PLXNA4: variants seen among roughly 807,000 people sequenced by gnomAD.
PLXNA4 encodes the protein plexin A4.
A neutral mutation model predicts 191.8 loss-of-function variants in PLXNA4; 44 were observed. The ratio of observed to expected loss-of-function variants is 0.23; its 90% CI spans 0.18 to 0.29. The LOEUF is 0.29. PLXNA4 is among the 10% of genes least tolerant of loss of function. The pLI is 1.00. For synonymous variants in PLXNA4, 1,082 were observed against 1,009.5 expected (o/e 1.07, Z -1.36); for missense variants, 1,800 against 2,488.8 (o/e 0.72, Z 5.89).
intron 3 of PLXNA4, among the ~76,000 whole-genome samples, chr7:132,484,560 C>A (rs1797466753): frequency 6.6e-6 from 1 of 152,202 alleles, no homozygotes; most frequent in Non-Finnish European, 1.5e-5. Flanking sequence ...GCATTTCTTT[C>A]CCTTTGTGCT....
intron 25 of PLXNA4, among the ~76,000 whole-genome samples, chr7:132,156,253 G>A (rs1795795122): frequency 6.6e-6 from 1 of 151,102 alleles, no homozygotes; most frequent in Non-Finnish European, 1.5e-5. Context: ...TTCCCATCTT[G>A]GCTCCTTAAT....
At chr7:132,474,214 T>TCACA (rs56832356) in intron 3 of PLXNA4, among the ~76,000 whole-genome samples, 5,358 of 140,178 alleles carry the variant, frequency 0.038, 219 homozygotes, top group Admixed American at 0.13. Context: ...TCTCTCTGTC[T>TCACA]CACACACACA....
chr7:132,547,683 C>A (rs962806131), intron 1 of PLXNA4, among the ~76,000 whole-genome samples: 1 of 152,054 alleles, frequency 6.6e-6, no homozygotes, highest in Non-Finnish European at 1.5e-5. Context: ...CCAGGCAAAC[C>A]AGAACCACAG....
intron 13 of PLXNA4, 53 bp from the exon 14 acceptor site, chr7:132,194,232 C>T (rs1388854136): frequency 1.0e-5 from 16 of 1,572,896 alleles, no homozygotes; most frequent in Non-Finnish European, 1.2e-5. Context: ...CAGCCAAGAC[C>T]CTGCACCCCA....
intron 2 of PLXNA4, among the ~76,000 whole-genome samples, chr7:132,603,792 T>C (rs10276212): frequency 0.82 from 124,276 of 152,112 alleles, 53,327 homozygotes; most frequent in Non-Finnish European, 0.97. Flanking sequence ...TCCTTGAGTA[T>C]GGTTTTGAAT....
At chr7:132,273,342 G>GCA (rs139465620) in intron 4 of PLXNA4, among the ~76,000 whole-genome samples, 11 of 143,144 alleles carry the variant, frequency 7.7e-5, no homozygotes, top group Non-Finnish European at 1.3e-4. Flanking sequence ...ACACACACAC[G>GCA]CACACACACA....
intron 2 of PLXNA4, among the ~76,000 whole-genome samples, chr7:132,627,295 G>C (rs1315937965): frequency 6.6e-6 from 1 of 152,128 alleles, no homozygotes; most frequent in Non-Finnish European, 1.5e-5. Context: ...TATTATGAAA[G>C]ATGAAGGTTT....
chr7:132,595,018 T>TAGATAGATAGACAGAC (rs1351375386), intron 2 of PLXNA4, among the ~76,000 whole-genome samples: 3 of 31,694 alleles, frequency 9.5e-5, no homozygotes, highest in Non-Finnish European at 3.4e-4. Context: ...GATAGATAGA[T>TAGATAGATAGACAGAC]AGACAGACAG....
intron 3 of PLXNA4, among the ~76,000 whole-genome samples, chr7:132,356,698 A>G (rs1372154005): frequency 6.6e-6 from 1 of 152,218 alleles, no homozygotes; most frequent in Non-Finnish European, 1.5e-5. Flanking sequence ...AGCCCAGGCA[A>G]TATTGGTTCC....
chr7:132,201,982 A>G (rs1329901401), intron 12 of PLXNA4, among the ~76,000 whole-genome samples: 3 of 152,202 alleles, frequency 2.0e-5, no homozygotes, highest in African/African-American at 7.2e-5. Flanking sequence ...CCCACCGCAC[A>G]TGTGAGGAAG....
intron 30 of PLXNA4, among the ~76,000 whole-genome samples, chr7:132,137,732 T>C (rs943576620): frequency 1.5e-4 from 22 of 146,450 alleles, no homozygotes; most frequent in Admixed American, 9.5e-4. Context: ...GGAGGACAGG[T>C]AGGAGGATGG....
chr7:132,373,804 T>G (rs1804544866), intron 3 of PLXNA4, among the ~76,000 whole-genome samples: 2 of 152,168 alleles, frequency 1.3e-5, no homozygotes, highest in South Asian at 4.1e-4. Flanking sequence ...AATGGGAAAC[T>G]TTCATGGGAG....
At position 132,226,234 on chromosome 7, in the gene PLXNA4, G is replaced by A; in HGVS notation, c.1909C>T (p.Leu637Phe). ...NGDHHVVQLQLKSKETGMTFA... is the reference protein window; with the variant it reads ...NGDHHVVQLQFKSKETGMTFA... ...GTCATGCCGGTCTCCTTTGATTTGAGCTGAAGCTGTACGACATGGTGGTCC... is the reference window on the plus strand; with the variant it reads ...GTCATGCCGGTCTCCTTTGATTTGAACTGAAGCTGTACGACATGGTGGTCC... The change falls in exon 8 of 32, where the codon CTC becomes TTC. Residue 637 changes from leucine (L) to phenylalanine (F), a missense_variant. Physicochemically the swap from Leu to Phe is conservative, Grantham distance 22. This residue lies in a region of PLXNA4 where 1,397 missense variants were observed against 1,880.4 expected (regional missense o/e 0.74). Transcript: ENST00000321063. The A allele has an allele frequency of 6.2e-7, 1 of 1,613,738 alleles. No individual in the cohort carries two copies. Among genetic ancestry groups the A allele is most frequent in the Non-Finnish European group, 8.5e-7 (1 of 1,179,906 alleles).
intron 20 of PLXNA4, among the ~76,000 whole-genome samples, chr7:132,177,052 TACGA>T (rs1796496356): frequency 6.6e-6 from 1 of 151,964 alleles, no homozygotes; most frequent in Non-Finnish European, 1.5e-5. Context: ...AGTGTGTGTG[TACGA>T]ATGTGAGTAC....
At chr7:132,372,612 C>T (rs1036560500) in intron 3 of PLXNA4, among the ~76,000 whole-genome samples, 1 of 152,202 alleles carries the variant, frequency 6.6e-6, no homozygotes, top group African/African-American at 2.4e-5. Context: ...ATGTTACTCA[C>T]CCTCTCCCAC....
At chr7:132,365,360 T>TGTGTGTGCGCGCGCGCGTGCGTGC in intron 3 of PLXNA4, among the ~76,000 whole-genome samples, 1 of 128,742 alleles carries the variant, frequency 7.8e-6, no homozygotes, top group South Asian at 2.4e-4. Flanking sequence ...TGTGTGTGTG[T>TGTGTGTGCGCGCGCGCGTGCGTGC]GCGTGCGCGC....
intron 14 of PLXNA4, among the ~76,000 whole-genome samples, chr7:132,191,980 T>A (rs1291789774): frequency 3.3e-5 from 5 of 152,036 alleles, no homozygotes; most frequent in African/African-American, 1.2e-4. Context: ...CCTAAACAAA[T>A]AAGGAAAATG....
rs112069455 is a variant in PLXNA4 at position 132,625,111 on chromosome 7, C to G, written c.-87+20817G>C. On this transcript the variant is annotated intron_variant, in intron 2 of 4. Transcript: ENST00000378539. ...GTTCTTCAAACTTGTCCTCTACTTA[C>G]TTTTTCTATCTCAAAAGTGAGGGCT... 9.2e-3 allele frequency among the ~76,000 whole-genome samples: 1,398 copies of G among 152,224 alleles called. 22 individuals carry two copies. Among genetic ancestry groups the G allele is most frequent in the African/African-American group, 0.032 (1,342 of 41,534 alleles).
intron 19 of PLXNA4, 90 bp from the exon 20 acceptor site, chr7:132,180,011 G>A (rs1796653678): frequency 4.1e-6 from 6 of 1,473,980 alleles, no homozygotes; most frequent in Non-Finnish European, 4.5e-6. Flanking sequence ...AGTGACCAGG[G>A]CAGGATGACG....
Sources: allele counts gnomAD v4.1 joint callset (sites outside exome capture counted in the v4.1 genomes callset), GRCh38; gene constraint gnomAD v4.1.1; regional missense constraint gnomAD v4.1.1; transcripts MANE v1.5; gene names NCBI Gene and HGNC (gene_info 2026-07-23, HGNC 2026-07-21).